The following HMGN5 variants were observed in gnomAD, a reference collection of about 807,000 sequenced individuals.
The protein encoded by HMGN5 is high mobility group nucleosome binding domain 5.
HMGN5 carries 4 observed loss-of-function variants against 9.5 expected under a neutral mutation model. The ratio of observed to expected loss-of-function variants is 0.42; its 90% CI spans 0.21 to 0.96. The LOEUF is 0.96. HMGN5 is among the 40% of genes least tolerant of loss of function. The pLI is 0.30. For synonymous variants in HMGN5, 55 were observed against 57.1 expected (o/e 0.96, Z 0.16); for missense variants, 192 against 187.5 (o/e 1.02, Z -0.14).
At chrX:81,129,085 G>A (rs936779588) in intron 1 of HMGN5, among the ~76,000 whole-genome samples, 36 of 111,476 alleles carry the variant, frequency 3.2e-4, no homozygotes, top group African/African-American at 1.1e-3. Flanking sequence ...GTGACATGAT[G>A]TGTGATGGAA....
At chrX:81,129,968 C>T (rs1384478255) in intron 1 of HMGN5, among the ~76,000 whole-genome samples, 2 of 111,829 alleles carry the variant, frequency 1.8e-5, no homozygotes, top group African/African-American at 6.5e-5. Flanking sequence ...GGCTTGACAG[C>T]ATTCTGATTT....
intron 1 of HMGN5, among the ~76,000 whole-genome samples, chrX:81,197,986 A>G (rs1299877939): frequency 9.0e-6 from 1 of 111,299 alleles, no homozygotes; most frequent in Admixed American, 9.6e-5. Context: ...CAAGAGTTGG[A>G]TAAGTGGAGA....
At chrX:81,129,926 G>A (rs943799503) in intron 1 of HMGN5, among the ~76,000 whole-genome samples, 1 of 111,528 alleles carries the variant, frequency 9.0e-6, no homozygotes, top group African/African-American at 3.3e-5. Context: ...CTGACTCATT[G>A]TCACCTTCTC....
At chrX:81,118,917 A>G (rs1449242234) in intron 3 of HMGN5, 158 bp from the exon 4 acceptor site, 4 of 412,816 alleles carry the variant, frequency 9.7e-6, no homozygotes, top group Non-Finnish European at 1.2e-5. Flanking sequence ...ATAAGTTTTG[A>G]TTTTTCCGTC....
intron 1 of HMGN5, among the ~76,000 whole-genome samples, chrX:81,138,952 TA>T (rs749957526): frequency 1.3e-3 from 143 of 112,065 alleles, no homozygotes; most frequent in African/African-American, 4.6e-3. Flanking sequence ...CTTAAAATTA[TA>T]AACTACTGAT....
intron 1 of HMGN5, among the ~76,000 whole-genome samples, chrX:81,125,163 T>C (rs762810157): frequency 9.1e-6 from 1 of 109,429 alleles, no homozygotes; most frequent in South Asian, 3.9e-4. Flanking sequence ...AAAATACTGA[T>C]TGACTAGTAA....
At chrX:81,182,287 T>C (rs761844676) in intron 1 of HMGN5, among the ~76,000 whole-genome samples, 141 of 112,392 alleles carry the variant, frequency 1.3e-3, no homozygotes, top group African/African-American at 4.5e-3. Context: ...TATTTTTGAA[T>C]TGGATTATTA....
intron 1 of HMGN5, among the ~76,000 whole-genome samples, chrX:81,186,787 T>C (rs2075478716): frequency 9.0e-6 from 1 of 111,704 alleles, no homozygotes; most frequent in African/African-American, 3.2e-5. Flanking sequence ...ATCTTTACAA[T>C]AAATTATTAG....
chrX:81,152,106 A>G (rs1234406151), intron 1 of HMGN5, among the ~76,000 whole-genome samples: 15 of 111,727 alleles, frequency 1.3e-4, no homozygotes, highest in African/African-American at 4.6e-4. Context: ...CGTCTAAAAC[A>G]CCAAAAGCAA....
intron 1 of HMGN5, among the ~76,000 whole-genome samples, chrX:81,184,540 T>C (rs1221516718): frequency 9.1e-6 from 1 of 109,608 alleles, no homozygotes; most frequent in Non-Finnish European, 1.9e-5. Context: ...CTGGGTGGGT[T>C]GTCTCTTCAT....
At position 81,115,078 on chromosome X, in the gene HMGN5, C is replaced by G. The variant is rs755916676; in HGVS notation, c.420G>C (p.Glu140Asp). Residue 140 changes from glutamate (E) to aspartate (D), a missense_variant, in exon 7 of 7, where the codon GAG becomes GAC. Physicochemically the swap from Glu to Asp is conservative, Grantham distance 45. Coordinates refer to ENST00000358130, the MANE Select transcript of HMGN5 (RefSeq NM_030763.3). ...QKEDEEDQNE[E>D]KGEAGKEDKD... ...TGTCTTCTTTTCCAGCTTCCCCTTT[C>G]TCTTCGTTTTGATCTTCTTCATCTT... The G allele has an allele frequency of 1.8e-5, 21 of 1,154,783 alleles. No homozygotes were observed. Among genetic ancestry groups the G allele is most frequent in the Non-Finnish European group, 2.2e-5 (19 of 868,914 alleles).
intron 1 of HMGN5, among the ~76,000 whole-genome samples, chrX:81,123,332 T>C (rs1378807122): frequency 1.8e-5 from 2 of 111,189 alleles, no homozygotes; most frequent in Non-Finnish European, 3.8e-5. Flanking sequence ...TTCCCCCAAC[T>C]TCATACTGCA....
At chrX:81,167,370 G>A (rs760091634) in intron 1 of HMGN5, among the ~76,000 whole-genome samples, 19 of 110,387 alleles carry the variant, frequency 1.7e-4, no homozygotes, top group Middle Eastern at 4.7e-3. Context: ...TTCCATGACA[G>A]TGGATTTTAA....
chrX:81,133,689 C>T (rs182692065), intron 1 of HMGN5, among the ~76,000 whole-genome samples: 492 of 110,679 alleles, frequency 4.4e-3, no homozygotes, highest in Middle Eastern at 9.1e-3. Flanking sequence ...AGGGGAACAA[C>T]ACACACTGGG....
intron 1 of HMGN5, among the ~76,000 whole-genome samples, chrX:81,188,835 C>T (rs1157853659): frequency 9.0e-6 from 1 of 111,230 alleles, no homozygotes; most frequent in Non-Finnish European, 1.9e-5. Flanking sequence ...CATAGTATTC[C>T]ATGGTGTATA....
chrX:81,188,006 C>T (rs1475121699), intron 1 of HMGN5, among the ~76,000 whole-genome samples: 1 of 110,813 alleles, frequency 9.0e-6, no homozygotes, highest in Non-Finnish European at 1.9e-5. Context: ...TATTAAAAAC[C>T]ATACATATTA....
Position 81,114,404 on chromosome X carries a change from A to T in HMGN5, c.*245T>A, listed in dbSNP as rs935573543. ...TTGACATATAACTTACACAACACGA[A>T]ATTCACTCACAAAGTTGAAAGCATA... is the stretch of plus-strand genomic sequence containing the variant. On this transcript the variant is annotated 3_prime_UTR_variant, in exon 7 of 7. Coordinates refer to ENST00000358130, the MANE Select transcript of HMGN5 (RefSeq NM_030763.3). 1.2e-5 allele frequency: 3 copies of T among 246,344 alleles called. No individual in the cohort carries two copies. The highest frequency in any genetic ancestry group is 8.5e-5 in the African/African-American group (3 of 35,215). The allele number at this position is 246,344 out of a possible 1,213,427, so 20.3% of individuals were successfully genotyped here. A position where few individuals can be genotyped will look rare whatever the true frequency, so the allele number is the denominator to read the frequency against.
chrX:81,174,127 A>C (rs2147637594), intron 1 of HMGN5, among the ~76,000 whole-genome samples: 1 of 111,571 alleles, frequency 9.0e-6, no homozygotes, highest in African/African-American at 3.2e-5. Context: ...AATAAGAAAT[A>C]AATCTTAAAA....
At chrX:81,166,064 T>C (rs2075410327) in intron 1 of HMGN5, among the ~76,000 whole-genome samples, 1 of 110,830 alleles carries the variant, frequency 9.0e-6, no homozygotes, top group Non-Finnish European at 1.9e-5. Context: ...TGTTTAGCAG[T>C]ATCCGTGCCC....
Sources: gnomAD v4.1 joint callset for allele counts (sites outside exome capture counted in the v4.1 genomes callset) on GRCh38, gnomAD v4.1.1 for gene constraint, MANE v1.5 for transcripts, NCBI Gene and HGNC (gene_info 2026-07-23, HGNC 2026-07-21) for gene names.